Variants in CDK14 observed in about 807,000 individuals in gnomAD.
The protein encoded by CDK14 is cyclin dependent kinase 14.
Under a neutral mutation model 60.7 loss-of-function variants are expected in CDK14, and 34 were observed. That is an observed-to-expected ratio of 0.56 (90% CI 0.43 to 0.75). The LOEUF (loss-of-function observed/expected upper bound fraction) is 0.75. Among genes scored for constraint, CDK14 ranks in the 30% least tolerant of loss-of-function variants. The pLI, the probability that CDK14 is intolerant of heterozygous loss-of-function variation, is 0.00. For synonymous variants in CDK14, 197 were observed against 203.7 expected (o/e 0.97, Z 0.28); for missense variants, 482 against 564.1 (o/e 0.85, Z 1.47).
intron 7 of CDK14, among the ~76,000 whole-genome samples, chr7:90,906,081 T>C (rs1792687958): frequency 6.6e-6 from 1 of 152,148 alleles, no homozygotes; most frequent in Non-Finnish European, 1.5e-5. Context: ...GTGACAGATA[T>C]GTCATGGGTA....
Position 90,769,365 on chromosome 7 carries a change from G to A in CDK14, c.465-21208G>A, listed in dbSNP as rs1397832549. On this transcript the variant is annotated intron_variant, in intron 4 of 14. Transcript: ENST00000380050. Reference sequence around the variant, plus strand: ...CTTCTAACACTCATTTTCAACTTAAGTGAAAAGCATATCAGAATGCTTTTT... The same window carrying A: ...CTTCTAACACTCATTTTCAACTTAAATGAAAAGCATATCAGAATGCTTTTT... Among the ~76,000 whole-genome samples, 5 of 152,128 alleles carry A rather than the reference G, an allele frequency of 3.3e-5. No homozygotes were observed. The East Asian group carries it at 7.7e-4, about 23-fold the overall frequency.
chr7:90,844,469 C>T (rs1303587963), intron 5 of CDK14, among the ~76,000 whole-genome samples: 1 of 152,194 alleles, frequency 6.6e-6, no homozygotes, highest in Non-Finnish European at 1.5e-5. Flanking sequence ...TGAGGTAGGA[C>T]TTCTAAATTC....
At chr7:90,952,906 G>A (rs951931116) in intron 8 of CDK14, among the ~76,000 whole-genome samples, 2 of 152,040 alleles carry the variant, frequency 1.3e-5, no homozygotes, top group Non-Finnish European at 2.9e-5. Flanking sequence ...TGCATGAACT[G>A]TATAAACATA....
At position 91,208,808 on chromosome 7, in the gene CDK14, C is replaced by A. The variant is rs1802979412; in HGVS notation, c.*1672C>A. The A allele has an allele frequency of 6.6e-6, 1 of 152,600 alleles. No homozygotes were observed. The highest frequency in any genetic ancestry group is 2.4e-5 in the African/African-American group (1 of 41,452). The allele number at this position is 152,600 out of a possible 1,614,324, so 9.5% of individuals were successfully genotyped here. On this transcript the variant is annotated 3_prime_UTR_variant, in exon 15 of 15. Transcript: ENST00000380050. ...GGTTATGTCAAAGTCATAGTTCATC[C>A]TATCCAGATGTAGCATTCATGGTAA...
intron 7 of CDK14, among the ~76,000 whole-genome samples, chr7:90,913,445 T>G (rs1315616117): frequency 6.6e-6 from 1 of 152,232 alleles, no homozygotes; most frequent in African/African-American, 2.4e-5. Context: ...ACTCACAAAA[T>G]GCACATTGAT....
chr7:90,676,251 A>G (rs533134829), intron 2 of CDK14, among the ~76,000 whole-genome samples: 3 of 152,152 alleles, frequency 2.0e-5, no homozygotes, highest in Non-Finnish European at 4.4e-5. Flanking sequence ...AAAAGGAGAT[A>G]GGAGGTATTG....
intron 3 of CDK14, among the ~76,000 whole-genome samples, chr7:90,744,644 C>T (rs1803505366): frequency 6.8e-6 from 1 of 147,430 alleles, no homozygotes. Flanking sequence ...CGGGGGCTGA[C>T]CCCCCCACCT....
intron 3 of CDK14, among the ~76,000 whole-genome samples, chr7:90,745,844 T>C (rs1002014348): frequency 6.6e-6 from 1 of 152,260 alleles, no homozygotes; most frequent in Non-Finnish European, 1.5e-5. Flanking sequence ...TTTGGTTGTA[T>C]ACTCATATTT....
At chr7:90,824,891 G>C (rs1490690450) in intron 5 of CDK14, 1 of 152,192 alleles carries the variant, frequency 6.6e-6, no homozygotes, top group Non-Finnish European at 1.5e-5. Flanking sequence ...CTTGGAGTCA[G>C]ATGGCCACAA....
intron 5 of CDK14, among the ~76,000 whole-genome samples, chr7:90,806,868 T>C (rs1788865689): frequency 6.6e-6 from 1 of 152,136 alleles, no homozygotes; most frequent in African/African-American, 2.4e-5. Flanking sequence ...CCTCACTCAT[T>C]GCTAGCACAG....
At position 90,810,432 on chromosome 7, in the gene CDK14, T is replaced by C. The variant is rs186905066; in HGVS notation, c.544+19780T>C. Among the ~76,000 whole-genome samples, 618 of 152,272 alleles carry C rather than the reference T, an allele frequency of 4.1e-3. 4 individuals carry two copies. The highest frequency in any genetic ancestry group is 0.014 in the African/African-American group (588 of 41,548). On this transcript the variant is annotated intron_variant, in intron 5 of 14. Coordinates refer to ENST00000380050, the MANE Select transcript of CDK14 (RefSeq NM_001287135.2). ...GACAAAATTCAACAACCCTTCATGC[T>C]AAAAACTCTCAATAAATTAGGTATT...
chr7:90,790,701 G>A (rs149116202), intron 5 of CDK14, 49 bp downstream of exon 5: 174 of 1,238,062 alleles, frequency 1.4e-4, no homozygotes, highest in Middle Eastern at 1.9e-4. Context: ...TATGGTCCCC[G>A]TAGCTATTTT....
chr7:90,798,124 G>A (rs747699021), intron 5 of CDK14, among the ~76,000 whole-genome samples: 3 of 151,580 alleles, frequency 2.0e-5, no homozygotes, highest in East Asian at 3.9e-4. Context: ...TCACAAAATG[G>A]CATTTTATTT....
rs201704657 is a variant in CDK14 at position 90,871,288 on chromosome 7, A to T, written c.639+8019A>T. The stretch of plus-strand genomic sequence containing the variant: ...TAAGTAAAACGGTATATTTGGTTTT[A>T]AAAAAAGAAAGCATCCCAACCTAAT... On this transcript the variant is annotated intron_variant, in intron 6 of 14. Transcript: ENST00000380050. 7.2e-5 allele frequency among the ~76,000 whole-genome samples: 11 copies of T among 152,286 alleles called. No homozygotes were observed. The East Asian group carries it at 9.6e-4, about 13-fold the overall frequency.
chr7:91,201,691 GGT>G (rs142616016), intron 14 of CDK14, among the ~76,000 whole-genome samples: 1 of 151,958 alleles, frequency 6.6e-6, no homozygotes, highest in Non-Finnish European at 1.5e-5. Flanking sequence ...TGTGTGTAGT[GGT>G]GTGTGTGTGT....
At chr7:91,153,448 T>C (rs987232607) in intron 14 of CDK14, among the ~76,000 whole-genome samples, 2 of 152,096 alleles carry the variant, frequency 1.3e-5, no homozygotes, top group African/African-American at 2.4e-5. Flanking sequence ...CATTGCAGCA[T>C]TACTCACATT....
intron 3 of CDK14, among the ~76,000 whole-genome samples, chr7:90,734,926 G>A (rs190992078): frequency 2.8e-4 from 42 of 152,178 alleles, no homozygotes; most frequent in African/African-American, 9.6e-4. Context: ...TTTTTGCGCT[G>A]GTTTCTCCCC....
intron 14 of CDK14, among the ~76,000 whole-genome samples, chr7:91,165,076 G>C (rs988967033): frequency 5.3e-5 from 8 of 152,174 alleles, no homozygotes; most frequent in Non-Finnish European, 1.0e-4. Context: ...TCGCTCTTCA[G>C]CGTTCCCTAT....
At chr7:91,078,749 G>C (rs1025927915) in intron 11 of CDK14, among the ~76,000 whole-genome samples, 1 of 152,132 alleles carries the variant, frequency 6.6e-6, no homozygotes, top group Non-Finnish European at 1.5e-5. Context: ...ATAAGGATGG[G>C]TGTATTTCAT....
Sources: allele counts gnomAD v4.1 joint callset (sites outside exome capture counted in the v4.1 genomes callset), GRCh38; gene constraint gnomAD v4.1.1; transcripts MANE v1.5; gene names NCBI Gene and HGNC (gene_info 2026-07-23, HGNC 2026-07-21).